LSM14B: variants seen among roughly 807,000 people sequenced by gnomAD.
The protein encoded by LSM14B is LSM family member 14B.
Under a neutral mutation model 42.1 loss-of-function variants are expected in LSM14B, and 8 were observed. That is an observed-to-expected ratio of 0.19 (90% CI 0.11 to 0.34). LSM14B has a LOEUF of 0.34. Among genes scored for constraint, LSM14B ranks in the 10% least tolerant of loss-of-function variants. The probability of loss-of-function intolerance (pLI) is 1.00; values close to 1 mark genes in which losing one functional copy is unlikely to be tolerated. For synonymous variants in LSM14B, 219 were observed against 209.7 expected, an observed-to-expected ratio of 1.04 and a Z score of -0.38; for missense variants, 396 against 513.1, an observed-to-expected ratio of 0.77 and a Z score of 2.21.
intron 1 of LSM14B, among the ~76,000 whole-genome samples, chr20:62,123,684 T>A (rs375767069): frequency 3.2e-4 from 48 of 152,344 alleles, no homozygotes; most frequent in African/African-American, 1.1e-3. Flanking sequence ...GTGCTGGATC[T>A]GGCGCTAGGC....
chr20:62,132,631 G>A (rs1024328447), intron 7 of LSM14B, among the ~76,000 whole-genome samples: 5 of 152,194 alleles, frequency 3.3e-5, no homozygotes, highest in African/African-American at 1.2e-4. Flanking sequence ...TGGCCTGGGC[G>A]GCTGATGGGT....
In LSM14B at chr20:62,122,813, C is replaced by T; in HGVS notation, c.127+20C>T. On this transcript the variant is annotated intron_variant, in intron 1 of 8. Coordinates refer to ENST00000279068, the MANE Select transcript of LSM14B (RefSeq NM_144703.3). This position sits in a 1 kb window ranked among gnomAD's most constrained non-coding sequence, Gnocchi z 4.6. ...CCAAAGGTAGCGGCCGCCGCCCGCC[C>T]GAGCCCGCTGACCCCCGTCCGCCAA... 2.7e-6 allele frequency: 4 copies of T among 1,480,826 alleles called. No individual in the cohort carries two copies. In the East Asian group the frequency reaches 9.1e-5, roughly 34 times the overall value. 91.7% of individuals were successfully genotyped at this position (1,480,826 alleles called of 1,614,324 possible). A position where few individuals can be genotyped will look rare whatever the true frequency, so the allele number is the denominator to read the frequency against.
At position 62,122,743 on chromosome 20, in the gene LSM14B, G is replaced by A; in HGVS notation, c.77G>A (p.Gly26Asp). ...TCCAAGGCGCAGATCCGCTACGAGG[G>A]CATTCTCTACACCATCGACACCGAC... is the stretch of plus-strand genomic sequence containing the variant. ...LISKAQIRYE[G>D]ILYTIDTDNS... Residue 26 changes from glycine (G) to aspartate (D), a missense_variant, in exon 1 of 9, where the codon GGC (glycine) becomes GAC (aspartate). Transcript: ENST00000279068. The surrounding 1 kb of genome is among the most constrained non-coding windows in gnomAD (Gnocchi z 4.6). 4 of 1,525,574 alleles carry A rather than the reference G, an allele frequency of 2.6e-6. No individual in the cohort carries two copies. Among genetic ancestry groups the A allele is most frequent in the South Asian group, 1.2e-5 (1 of 85,034 alleles). The allele number at this position is 1,525,574 out of a possible 1,614,324, so 94.5% of individuals were successfully genotyped here.
chr20:62,132,993 C>A (rs1600950265), intron 7 of LSM14B, among the ~76,000 whole-genome samples: 1 of 152,170 alleles, frequency 6.6e-6, no homozygotes, highest in Non-Finnish European at 1.5e-5. Context: ...CTCTCTGTGC[C>A]CAGCGAGCAA....
rs767438702 is a variant in LSM14B at position 62,131,376 on chromosome 20, G to A, written c.856G>A (p.Glu286Lys). The change falls in exon 7 of 9, where the codon GAA (glutamate) becomes AAA (lysine). Residue 286 changes from glutamate (E) to lysine (K), a missense_variant. By Grantham distance (56) the Glu-to-Lys change is moderately conservative. This residue lies in a region of LSM14B where 118 missense variants were observed against 156.4 expected (regional missense o/e 0.75). Coordinates refer to ENST00000279068, the MANE Select transcript of LSM14B (RefSeq NM_144703.3). ...TGTAGATGACAAGGCTGAGAAGGGG[G>A]AAGAGAAGGACCTGGCTGTGGTGAC... is the stretch of plus-strand genomic sequence containing the variant. ...NFKDDKAEKGEEKDLAVVTQS... is the reference protein window; with the variant it reads ...NFKDDKAEKGKEKDLAVVTQS... The A allele has an allele frequency of 6.2e-7, 1 of 1,605,260 alleles. No homozygotes were observed. Among genetic ancestry groups the A allele is most frequent in the Non-Finnish European group, 8.5e-7 (1 of 1,175,410 alleles).
At chr20:62,124,077 C>G (rs73915587) in intron 1 of LSM14B, among the ~76,000 whole-genome samples, 2 of 152,186 alleles carry the variant, frequency 1.3e-5, no homozygotes, top group Non-Finnish European at 2.9e-5. Flanking sequence ...CTTATAGATG[C>G]GGAAGCCGGG....
chr20:62,132,165 T>G (rs1205592071), intron 7 of LSM14B, among the ~76,000 whole-genome samples: 2 of 152,142 alleles, frequency 1.3e-5, no homozygotes, highest in African/African-American at 4.8e-5. Flanking sequence ...TAGAACAGCA[T>G]GTCGTGAAGG....
chr20:62,133,544 G>A, intron 8 of LSM14B, 69 bp downstream of exon 8: 1 of 1,520,110 alleles, frequency 6.6e-7, no homozygotes, highest in Non-Finnish European at 8.8e-7. Context: ...GAGAGCTTAG[G>A]AAGGTGGGGA....
At chr20:62,124,941 C>T (rs920033178) in intron 2 of LSM14B, among the ~76,000 whole-genome samples, 161 bp downstream of exon 2, 2 of 151,264 alleles carry the variant, frequency 1.3e-5, no homozygotes, top group South Asian at 2.1e-4. Flanking sequence ...AGGTCAGTGG[C>T]GTGATCTCAG....
At chr20:62,123,767 GA>G (rs1300979626) in intron 1 of LSM14B, among the ~76,000 whole-genome samples, 1 of 152,222 alleles carries the variant, frequency 6.6e-6, no homozygotes. Context: ...ATGTGTAGAA[GA>G]ACGCACTCAT....
At chr20:62,125,261 C>T (rs1037061060) in intron 2 of LSM14B, among the ~76,000 whole-genome samples, 1 of 152,218 alleles carries the variant, frequency 6.6e-6, no homozygotes, top group Non-Finnish European at 1.5e-5. Flanking sequence ...ATTCTTGTAG[C>T]ACACACAGTA....
chr20:62,125,921 G>A (rs1485606475), intron 2 of LSM14B, among the ~76,000 whole-genome samples: 1 of 152,180 alleles, frequency 6.6e-6, no homozygotes, highest in African/African-American at 2.4e-5. Context: ...TTAGCTGGGT[G>A]TGGTGGTGGG....
rs1481951659 is a variant in LSM14B at position 62,130,056 on chromosome 20, C to G, written c.595+104C>G. On this transcript the variant is annotated intron_variant, in intron 4 of 8. Transcript: ENST00000279068. This position sits in a 1 kb window ranked among gnomAD's most constrained non-coding sequence, Gnocchi z 4.1. ...TTTAATTAAAAAAATACTACTCCCC[C>G]ATCCTAAGCCCCATGTGCTTTTGCA... 2.1e-6 allele frequency: 3 copies of G among 1,411,166 alleles called. No homozygotes were observed. Among genetic ancestry groups the G allele is most frequent in the East Asian group, 2.5e-5 (1 of 40,162 alleles). The allele number at this position is 1,411,166 out of a possible 1,614,324, so 87.4% of individuals were successfully genotyped here. A position where few individuals can be genotyped will look rare whatever the true frequency, so the allele number is the denominator to read the frequency against.
At chr20:62,129,667 C>T (rs1568710801) in intron 3 of LSM14B, 118 bp from the exon 4 acceptor site, 13 of 1,116,754 alleles carry the variant, frequency 1.2e-5, no homozygotes, top group Non-Finnish European at 1.6e-5. Context: ...TTTGATAGAA[C>T]ATCTAGGCAG....
intron 3 of LSM14B, among the ~76,000 whole-genome samples, chr20:62,127,318 C>T (rs529841198): frequency 2.6e-5 from 4 of 152,336 alleles, no homozygotes; most frequent in South Asian, 4.1e-4. Flanking sequence ...GACCCTTGCT[C>T]AGAATCCAGC....
Position 62,130,258 on chromosome 20 carries a change from T to A in LSM14B, c.635T>A (p.Val212Glu). 1 of 1,604,700 alleles carries A rather than the reference T, an allele frequency of 6.2e-7. No homozygotes were observed. Residue 212 changes from valine to glutamate, a missense_variant, in exon 5 of 9, where the codon GTG becomes GAG. By Grantham distance (121) the Val-to-Glu change is moderately radical (BLOSUM62 -2). Coordinates refer to ENST00000279068, the MANE Select transcript of LSM14B (RefSeq NM_144703.3). The surrounding 1 kb of genome is among the most constrained non-coding windows in gnomAD (Gnocchi z 4.1). ...QPAAVQAQGQ[V>E]NDENRRPQRR... is the part of the protein sequence containing the mutation. ...GCAGCTGTGCAAGCTCAAGGGCAGG[T>A]GAATGACGAGAACAGAAGACCTCAG...
At position 62,122,639 on chromosome 20, in the gene LSM14B, C is replaced by G. The variant is rs1236865283; in HGVS notation, c.-28C>G. 3 of 1,330,980 alleles carry G rather than the reference C, an allele frequency of 2.3e-6. No individual in the cohort carries two copies. The allele number at this position is 1,330,980 out of a possible 1,614,324, so 82.4% of individuals were successfully genotyped here. Reference sequence around the variant, plus strand: ...CCGCGGCCCGGCGCTCCTTCCCCACCGCGGCCCGACGCACCCCGGCCGCCG... The same window carrying G: ...CCGCGGCCCGGCGCTCCTTCCCCACGGCGGCCCGACGCACCCCGGCCGCCG... On this transcript the variant is annotated 5_prime_UTR_variant, in exon 1 of 9. Coordinates refer to ENST00000279068, the MANE Select transcript of LSM14B (RefSeq NM_144703.3). This position sits in a 1 kb window ranked among gnomAD's most constrained non-coding sequence, Gnocchi z 4.6.
intron 1 of LSM14B, chr20:62,123,205 C>T (rs1212717684): frequency 2.0e-5 from 3 of 152,622 alleles, no homozygotes; most frequent in African/African-American, 7.2e-5. Flanking sequence ...TGGGGGGATC[C>T]CTGCGGGGGA....
intron 3 of LSM14B, chr20:62,128,004 G>A (rs2056654329): frequency 1.6e-6 from 1 of 611,028 alleles, no homozygotes; most frequent in Non-Finnish European, 2.9e-6. Flanking sequence ...TTTCCCTGGG[G>A]TTTTTGCTGG....
Sources: gnomAD v4.1 joint callset for allele counts (sites outside exome capture counted in the v4.1 genomes callset) on GRCh38, gnomAD v4.1.1 for gene constraint, gnomAD v4.1.1 regional missense constraint, Gnocchi (gnomAD v3.1) non-coding constraint, MANE v1.5 for transcripts, NCBI Gene and HGNC (gene_info 2026-07-23, HGNC 2026-07-21) for gene names.